The following RS1 variants were observed in gnomAD, a reference collection of about 807,000 sequenced individuals.
RS1 encodes the protein retinoschisin 1.
Under a neutral mutation model 20.8 loss-of-function variants are expected in RS1, and 2 were observed. The ratio of observed to expected loss-of-function variants is 0.10; its 90% CI spans 0.04 to 0.30. The LOEUF is 0.30. Ranked by LOEUF, RS1 falls within the 10% of genes least tolerant of loss-of-function variation. The pLI, the probability that RS1 is intolerant of heterozygous loss-of-function variation, is 1.00. For synonymous variants in RS1, 70 were observed against 75.8 expected, an observed-to-expected ratio of 0.92 and a Z score of 0.40; for missense variants, 151 against 189.8, an observed-to-expected ratio of 0.80 and a Z score of 1.20.
At chrX:18,649,373 T>C (rs1304467236) in intron 3 of RS1, among the ~76,000 whole-genome samples, 1 of 111,961 alleles carries the variant, frequency 8.9e-6, no homozygotes, top group Non-Finnish European at 1.9e-5. Flanking sequence ...TTTCTGATGA[T>C]GAATGATAAA....
intron 4 of RS1, among the ~76,000 whole-genome samples, chrX:18,645,131 C>T (rs759886997): frequency 4.4e-5 from 5 of 112,557 alleles, no homozygotes; most frequent in South Asian, 3.7e-4. Context: ...GCCAGATAAC[C>T]GTTGAAGCAA....
intron 1 of RS1, among the ~76,000 whole-genome samples, chrX:18,659,931 G>A (rs1817122956): frequency 8.9e-6 from 1 of 111,762 alleles, no homozygotes; most frequent in Non-Finnish European, 1.9e-5. Context: ...TACCCGGAGG[G>A]AAGGAATATC....
intron 2 of RS1, among the ~76,000 whole-genome samples, chrX:18,657,313 T>G (rs1412134289): frequency 1.0e-5 from 1 of 97,025 alleles, no homozygotes; most frequent in Non-Finnish European, 2.0e-5. Context: ...CTCTGCCTCC[T>G]GGGTTCAAGC....
chrX:18,644,306 C>T (rs533095332), intron 5 of RS1, 124 bp downstream of exon 5: 40 of 621,313 alleles, frequency 6.4e-5, no homozygotes, highest in African/African-American at 3.5e-4. Flanking sequence ...TGGGGGAAAG[C>T]GCAGATGATC....
chrX:18,644,695 G>A, intron 4 of RS1, 70 bp from the exon 5 acceptor site: 2 of 1,071,702 alleles, frequency 1.9e-6, no homozygotes, highest in Non-Finnish European at 1.3e-6. Flanking sequence ...GCAGGTGCTG[G>A]CTCTCGAGGG....
In RS1 at chrX:18,667,994, A is replaced by G. The variant is rs1030465313; in HGVS notation, c.52+4023T>C. ...CACCAACAAACTGGAGAACAAAAGC[A>G]TTTTTGGCGACAACATATTGTAATG... On this transcript the variant is annotated intron_variant, in intron 1 of 5. Transcript: ENST00000379984. 3.6e-5 allele frequency among the ~76,000 whole-genome samples: 4 copies of G among 111,911 alleles called. No homozygotes were observed. In the East Asian group the frequency reaches 1.1e-3, roughly 31 times the overall value.
chrX:18,645,754 C>T (rs569764545), intron 4 of RS1, among the ~76,000 whole-genome samples: 2 of 110,684 alleles, frequency 1.8e-5, no homozygotes, highest in Non-Finnish European at 3.8e-5. Context: ...AATATTTATC[C>T]GGCAGAGTCT....
At chrX:18,652,270 C>T (rs931471911) in intron 3 of RS1, among the ~76,000 whole-genome samples, 5 of 111,802 alleles carry the variant, frequency 4.5e-5, no homozygotes, top group African/African-American at 1.6e-4. Context: ...GCAGCAGAGG[C>T]CTCAGGGAAG....
At chrX:18,657,408 A>C (rs1315829047) in intron 2 of RS1, among the ~76,000 whole-genome samples, 1 of 108,257 alleles carries the variant, frequency 9.2e-6, no homozygotes. Context: ...TTTAAAGTGG[A>C]GACAGGGTTT....
chrX:18,650,504 T>C, intron 3 of RS1: 1 of 1,211,472 alleles, frequency 8.3e-7, no homozygotes, highest in East Asian at 3.0e-5. Flanking sequence ...CTGCTCCCTA[T>C]CCAGTACTCC....
Position 18,668,831 on chromosome X carries a change from G to T in RS1, c.52+3186C>A, listed in dbSNP as rs367953216. On this transcript the variant is annotated intron_variant, in intron 1 of 5. Coordinates refer to ENST00000379984, the MANE Select transcript of RS1 (RefSeq NM_000330.4). Reference sequence around the variant, plus strand: ...CGTGGTTGCCCAGGGGCTGGGGGAGGGGGGAGACAGGGAGAATGGGGAGCG... The same window carrying T: ...CGTGGTTGCCCAGGGGCTGGGGGAGTGGGGAGACAGGGAGAATGGGGAGCG... Among the ~76,000 whole-genome samples, 149 of 112,103 alleles carry T rather than the reference G, an allele frequency of 1.3e-3. No individual in the cohort carries two copies. The Middle Eastern group carries it at 0.014, about 10-fold the overall frequency.
At chrX:18,651,220 AGTGTGT>A (rs3838188) in intron 3 of RS1, among the ~76,000 whole-genome samples, 1,527 of 65,097 alleles carry the variant, frequency 0.023, 35 homozygotes, top group African/African-American at 0.054. Flanking sequence ...GGCAGGAGCA[AGTGTGT>A]GTGTGTGTGT....
At chrX:18,647,958 T>G (rs900348232) in intron 3 of RS1, among the ~76,000 whole-genome samples, 10 of 111,788 alleles carry the variant, frequency 8.9e-5, no homozygotes, top group African/African-American at 3.3e-4. Context: ...AAGGAACTGC[T>G]TTTTCCCAGT....
intron 1 of RS1, among the ~76,000 whole-genome samples, chrX:18,667,002 C>T (rs930010708): frequency 8.9e-6 from 1 of 111,821 alleles, no homozygotes; most frequent in African/African-American, 3.2e-5. Context: ...GGCAGCCAGA[C>T]AGATGCTTCT....
chrX:18,644,205 AT>A (rs374521774), intron 5 of RS1, among the ~76,000 whole-genome samples: 14 of 109,931 alleles, frequency 1.3e-4, no homozygotes, highest in East Asian at 2.8e-4. Context: ...ACTCAGACAA[AT>A]TTTTTTTTTG....
chrX:18,670,139 G>A (rs1440903305), intron 1 of RS1, among the ~76,000 whole-genome samples: 3 of 110,332 alleles, frequency 2.7e-5, no homozygotes, highest in East Asian at 2.8e-4. Context: ...GGACTTCTTC[G>A]CATCGCGGGG....
chrX:18,667,060 G>A (rs192000937), intron 1 of RS1, among the ~76,000 whole-genome samples: 1 of 111,640 alleles, frequency 9.0e-6, no homozygotes, highest in African/African-American at 3.3e-5. Context: ...CCTGTGCTCT[G>A]CGGAGTTAAC....
chrX:18,655,837 T>C (rs1166144164), intron 3 of RS1, among the ~76,000 whole-genome samples: 1 of 110,403 alleles, frequency 9.1e-6, no homozygotes, highest in Non-Finnish European at 1.9e-5. Context: ...ATCACCTCCA[T>C]TGGACAGACA....
chrX:18,656,823 G>A (rs1257836186), intron 2 of RS1, 65 bp from the exon 3 acceptor site: 26 of 891,477 alleles, frequency 2.9e-5, no homozygotes, highest in Non-Finnish European at 3.6e-5. Flanking sequence ...TTGCCCCCAC[G>A]GAGTGATCAC....
Sources: gnomAD v4.1 joint callset for allele counts (sites outside exome capture counted in the v4.1 genomes callset) on GRCh38, gnomAD v4.1.1 for gene constraint, MANE v1.5 for transcripts, NCBI Gene and HGNC (gene_info 2026-07-23, HGNC 2026-07-21) for gene names.